RFX8: variants seen among roughly 807,000 people sequenced by gnomAD.
RFX8 encodes DNA-binding protein RFX8.
A neutral mutation model predicts 54.6 loss-of-function variants in RFX8; 46 were observed. The ratio of observed to expected loss-of-function variants is 0.84; its 90% CI spans 0.67 to 1.08. The LOEUF (loss-of-function observed/expected upper bound fraction) is 1.08. Among genes scored for constraint, RFX8 ranks in the 50% least tolerant of loss-of-function variants. The pLI is 0.00. For missense variants in RFX8, 536 were observed against 562.3 expected (o/e 0.95, Z 0.47); for synonymous variants, 192 against 209.5 (o/e 0.92, Z 0.72).
chr2:101,421,493 T>A, intron 4 of RFX8: 1 of 1,208,604 alleles, frequency 8.3e-7, no homozygotes, highest in Non-Finnish European at 1.0e-6. Flanking sequence ...CCTAAAGTTA[T>A]CTGTATTAGC....
rs1394467222 is a variant in RFX8, at chr2:101,416,045, A to C, written c.503-1133T>G. Among the ~76,000 whole-genome samples the C allele has an allele frequency of 3.9e-5, 6 of 152,188 alleles. No homozygotes were observed. The South Asian group carries it at 8.3e-4, about 21-fold the overall frequency. ...GTCATGGGAGTCCCTTGGGAGATGG[A>C]GACAGGGATGGGGCCAGAGGCCAAA... On this transcript the variant is annotated intron_variant, in intron 6 of 11. Coordinates refer to ENST00000428343, the MANE Select transcript of RFX8 (RefSeq NM_001145664.2).
chr2:101,466,672 A>G (rs1201871549), intron 2 of RFX8, 105 bp downstream of exon 2: 4 of 833,646 alleles, frequency 4.8e-6, no homozygotes, highest in South Asian at 1.5e-5. Context: ...AAAGATACCC[A>G]CTGAAAATCC....
At chr2:101,429,181 T>A (rs1457353799) in intron 2 of RFX8, among the ~76,000 whole-genome samples, 2 of 152,228 alleles carry the variant, frequency 1.3e-5, no homozygotes, top group Non-Finnish European at 2.9e-5. Context: ...TATCACAAGC[T>A]TGGGCTTTAA....
chr2:101,453,406 G>A (rs13426536), intron 2 of RFX8, among the ~76,000 whole-genome samples: 1 of 152,100 alleles, frequency 6.6e-6, no homozygotes, highest in Non-Finnish European at 1.5e-5. Flanking sequence ...GGGAGGCCAC[G>A]ATGGACAGAT....
At chr2:101,465,441 C>T (rs147457849) in intron 2 of RFX8, among the ~76,000 whole-genome samples, 5,952 of 152,170 alleles carry the variant, frequency 0.039, 241 homozygotes, top group African/African-American at 0.1. Context: ...ACTCGGGAGG[C>T]GGAGGTTGCA....
chr2:101,458,960 T>C (rs1261856184), intron 2 of RFX8, among the ~76,000 whole-genome samples: 2 of 152,222 alleles, frequency 1.3e-5, no homozygotes, highest in Non-Finnish European at 2.9e-5. Flanking sequence ...TTCATTAATT[T>C]GATCTTCAAT....
intron 2 of RFX8, among the ~76,000 whole-genome samples, chr2:101,449,775 T>C (rs571254206): frequency 6.6e-6 from 1 of 151,540 alleles, no homozygotes; most frequent in Non-Finnish European, 1.5e-5. Context: ...CAAAAAAGGA[T>C]GAGATGTCTG....
At chr2:101,424,671 G>A (rs1008058809) in intron 2 of RFX8, among the ~76,000 whole-genome samples, 14 of 152,112 alleles carry the variant, frequency 9.2e-5, no homozygotes, top group East Asian at 1.9e-4. Context: ...TATACACCAC[G>A]GAATACTATG....
intron 10 of RFX8, among the ~76,000 whole-genome samples, chr2:101,404,091 C>T (rs967837935): frequency 1.3e-5 from 2 of 152,222 alleles, no homozygotes; most frequent in East Asian, 3.8e-4. Flanking sequence ...AACTCAAAGA[C>T]AATGGAAGGT....
At chr2:101,415,771 C>A (rs75075027) in intron 6 of RFX8, among the ~76,000 whole-genome samples, 3 of 152,222 alleles carry the variant, frequency 2.0e-5, no homozygotes, top group African/African-American at 7.2e-5. Flanking sequence ...ACCAGATATG[C>A]AAACACATCC....
chr2:101,421,662 G>T (rs1451378621), intron 4 of RFX8, 62 bp downstream of exon 4: 3 of 1,511,972 alleles, frequency 2.0e-6, no homozygotes, highest in African/African-American at 1.4e-5. Flanking sequence ...GATTAATAAG[G>T]AGTCATAAAT....
chr2:101,402,028 G>A (rs568933164), intron 11 of RFX8, among the ~76,000 whole-genome samples: 1 of 152,314 alleles, frequency 6.6e-6, no homozygotes, highest in East Asian at 1.9e-4. Flanking sequence ...CTTTCAACAG[G>A]TATCCCAATG....
At chr2:101,465,382 C>G (rs747169747) in intron 2 of RFX8, among the ~76,000 whole-genome samples, 1 of 152,040 alleles carries the variant, frequency 6.6e-6, no homozygotes, top group Admixed American at 6.6e-5. Context: ...TGGTGGTGCA[C>G]GCCTGTAGTC....
At chr2:101,433,799 G>A (rs892524486) in intron 2 of RFX8, among the ~76,000 whole-genome samples, 1 of 152,110 alleles carries the variant, frequency 6.6e-6, no homozygotes, top group Non-Finnish European at 1.5e-5. Context: ...TCAGAGCAAA[G>A]GCACTTCATC....
rs528839329 is a variant in RFX8, at chr2:101,423,007, C to A, written c.73-535G>T. Among the ~76,000 whole-genome samples, 20 of 152,252 alleles carry A rather than the reference C, an allele frequency of 1.3e-4. No homozygotes were observed. The East Asian group carries it at 3.9e-3, about 29-fold the overall frequency. On this transcript the variant is annotated intron_variant, in intron 2 of 11. Transcript: ENST00000428343. ...GCATGGTGGCTCATGCCTATAATCC[C>A]AGCACTTTGGGAGGGCGAGGCGGGT... is the stretch of plus-strand genomic sequence containing the variant.
intron 2 of RFX8, among the ~76,000 whole-genome samples, chr2:101,436,045 G>A (rs1250495061): frequency 6.6e-6 from 1 of 152,024 alleles, no homozygotes; most frequent in Non-Finnish European, 1.5e-5. Context: ...GCTCTGTCAC[G>A]ACCCCCCTGC....
chr2:101,465,555 T>C (rs1285973154), intron 2 of RFX8, among the ~76,000 whole-genome samples: 1 of 151,878 alleles, frequency 6.6e-6, no homozygotes, highest in Non-Finnish European at 1.5e-5. Context: ...CACAAAAAAC[T>C]GAGGTAAAAT....
At chr2:101,421,303 T>A in intron 4 of RFX8, 1 of 987,756 alleles carries the variant, frequency 1.0e-6, no homozygotes, top group Non-Finnish European at 1.2e-6. Flanking sequence ...TTAAATCCAA[T>A]CGTGACAATA....
At chr2:101,446,553 C>G (rs1249704574) in intron 2 of RFX8, among the ~76,000 whole-genome samples, 3 of 152,072 alleles carry the variant, frequency 2.0e-5, no homozygotes, top group Non-Finnish European at 2.9e-5. Context: ...CATGACCAGC[C>G]GATGTCACTC....
Sources: gnomAD v4.1 joint callset for allele counts (sites outside exome capture counted in the v4.1 genomes callset) on GRCh38, gnomAD v4.1.1 for gene constraint, MANE v1.5 for transcripts, NCBI Gene and HGNC (gene_info 2026-07-23, HGNC 2026-07-21) for gene names.